The following DENND2A variants were observed in gnomAD, a reference collection of about 807,000 sequenced individuals.
DENND2A encodes DENN domain-containing protein 2A.
In DENND2A, 53 loss-of-function variants were observed where a neutral mutation model predicts 105.3. The observed-to-expected ratio is 0.50, with a 90% CI of 0.40 to 0.63. The LOEUF is 0.63. DENND2A is among the 30% of genes least tolerant of loss of function. The pLI is 0.00. For synonymous variants in DENND2A, 522 were observed against 508.4 expected (o/e 1.03, Z -0.36); for missense variants, 1,138 against 1,279.6 (o/e 0.89, Z 1.69).
At position 140,585,729 on chromosome 7, in the gene DENND2A, T is replaced by C. The variant is rs73736619; in HGVS notation, c.1124-19A>G. On this transcript the variant is annotated intron_variant, in intron 4 of 19. Transcript: ENST00000496613. ...GGCGGATCTGTGTTCAAAGGCAATG[T>C]GTCAGGAACCTGGGAACACTGAGGA... 0.027 allele frequency: 42,944 copies of C among 1,614,038 alleles called. 2,190 individuals carry two copies. The highest frequency in any genetic ancestry group is 0.22 in the African/African-American group (16,621 of 74,984).
chr7:140,588,135 T>C (rs1173670368), intron 3 of DENND2A, among the ~76,000 whole-genome samples: 1 of 152,146 alleles, frequency 6.6e-6, no homozygotes, highest in Non-Finnish European at 1.5e-5. Context: ...GGTCTCGAAC[T>C]CCTGACCTCA....
At chr7:140,610,006 C>G (rs1799835616) in intron 1 of DENND2A, 1 of 152,042 alleles carries the variant, frequency 6.6e-6, no homozygotes, top group Non-Finnish European at 1.5e-5. Flanking sequence ...CGCCCTGTCA[C>G]CCAGGCTGGA....
Position 140,519,676 on chromosome 7 carries a change from G to A in DENND2A, c.2954C>T (p.Pro985Leu), listed in dbSNP as rs1443074552. Residue 985 changes from proline to leucine, a missense_variant, in exon 19 of 20, where the codon CCC becomes CTC. Around this residue, in one of 2 missense-constraint regions of DENND2A, gnomAD observed 627 missense variants for 779.8 expected, o/e 0.80. Coordinates refer to ENST00000496613, the MANE Select transcript of DENND2A (RefSeq NM_015689.5). The stretch of plus-strand genomic sequence containing the variant: ...ATTGACACCGCTGTGCTCTCCACTG[G>A]GGAGTGTTTCCAGATACTCTTGGGC... ...VRAQEYLETL[P>L]SGEHSGVNKF... The A allele has an allele frequency of 1.2e-6, 2 of 1,614,074 alleles. No homozygotes were observed. Among genetic ancestry groups the A allele is most frequent in the Non-Finnish European group, 1.7e-6 (2 of 1,180,002 alleles).
chr7:140,639,489 G>A (rs1485073564), intron 1 of DENND2A, among the ~76,000 whole-genome samples: 1 of 151,960 alleles, frequency 6.6e-6, no homozygotes, highest in African/African-American at 2.4e-5. Context: ...TCCTCTCGGA[G>A]TTCTGCTCCG....
At chr7:140,529,228 G>A (rs1796170343) in intron 14 of DENND2A, among the ~76,000 whole-genome samples, 1 of 152,148 alleles carries the variant, frequency 6.6e-6, no homozygotes, top group Non-Finnish European at 1.5e-5. Flanking sequence ...GGAGGCCGAG[G>A]TGAGTGGATC....
chr7:140,620,175 G>A (rs1014588645), intron 1 of DENND2A, among the ~76,000 whole-genome samples: 3 of 151,800 alleles, frequency 2.0e-5, no homozygotes, highest in African/African-American at 7.3e-5. Context: ...CAGCCTGAGC[G>A]ACAGAGTAAG....
chr7:140,598,255 AC>A (rs1326044587), intron 3 of DENND2A, among the ~76,000 whole-genome samples: 1 of 152,184 alleles, frequency 6.6e-6, no homozygotes, highest in Non-Finnish European at 1.5e-5. Context: ...AAGTACTTTA[AC>A]AAAAATCTAA....
chr7:140,537,943 A>T (rs546711114), intron 14 of DENND2A, among the ~76,000 whole-genome samples: 3 of 152,334 alleles, frequency 2.0e-5, no homozygotes, highest in Non-Finnish European at 4.4e-5. Context: ...CAGGAAAATG[A>T]AGGCGAGGGT....
At chr7:140,591,023 C>T (rs552663928) in intron 3 of DENND2A, among the ~76,000 whole-genome samples, 2 of 152,218 alleles carry the variant, frequency 1.3e-5, no homozygotes, top group South Asian at 2.1e-4. Flanking sequence ...TGGGGGTGGG[C>T]GCAGTAGCTC....
chr7:140,550,335 G>A (rs961802714), intron 12 of DENND2A, among the ~76,000 whole-genome samples: 2 of 150,920 alleles, frequency 1.3e-5, no homozygotes, highest in Middle Eastern at 3.2e-3. Context: ...TGGGATTACG[G>A]ACGCCCACCA....
intron 5 of DENND2A, among the ~76,000 whole-genome samples, chr7:140,583,977 C>T (rs1464533620): frequency 7.0e-6 from 1 of 142,684 alleles, no homozygotes; most frequent in East Asian, 2.0e-4. Context: ...TGCGGTGGCT[C>T]ACGCCTGTAA....
At position 140,567,222 on chromosome 7, in the gene DENND2A, C is replaced by A. The variant is rs761663991; in HGVS notation, c.1643G>T (p.Arg548Leu). The change falls in exon 9 of 20, where the codon CGG becomes CTG. Residue 548 changes from arginine (R) to leucine (L), a missense_variant. By Grantham distance (102) the Arg-to-Leu change is moderately radical. Around this residue, in one of 2 missense-constraint regions of DENND2A, gnomAD observed 627 missense variants for 779.8 expected, o/e 0.80. Transcript: ENST00000496613. The part of the protein sequence containing the change: ...NVKSRLKQAP[R>L]YPSLARELIE... ...GAGTTCCCGGGCAAGTGATGGGTACCGAGGCGCCTGCTTCAGCCGGGACTT... is the reference window on the plus strand; with the variant it reads ...GAGTTCCCGGGCAAGTGATGGGTACAGAGGCGCCTGCTTCAGCCGGGACTT... The A allele has an allele frequency of 4.2e-5, 67 of 1,612,332 alleles. 1 individual carries two copies. Among genetic ancestry groups the A allele is most frequent in the Non-Finnish European group, 4.0e-5 (47 of 1,179,390 alleles).
chr7:140,549,853 CATCAATGGATAAATGGATAAATAATCA>C (rs1176452794), intron 12 of DENND2A, among the ~76,000 whole-genome samples: 1 of 152,010 alleles, frequency 6.6e-6, no homozygotes, highest in African/African-American at 2.4e-5. Context: ...CCCAAATGTC[CATCAATGGATAAATGGATAAATAATCA>C]ATCAATGGAT....
chr7:140,549,194 C>T (rs1797020834), intron 12 of DENND2A, among the ~76,000 whole-genome samples: 1 of 151,604 alleles, frequency 6.6e-6, no homozygotes, highest in African/African-American at 2.4e-5. Flanking sequence ...CCATTGCACT[C>T]CAGCCTGGGT....
chr7:140,544,667 C>T lies in DENND2A; in HGVS notation c.2278G>A (p.Ala760Thr). 2 of 1,614,102 alleles carry T rather than the reference C, an allele frequency of 1.2e-6. No homozygotes were observed. Among genetic ancestry groups the T allele is most frequent in the Non-Finnish European group, 1.7e-6 (2 of 1,180,012 alleles). ...ACCCTCCTCTCCAGAAGCAGGGAGG[C>T]AAACACACAGACCAGGTGGCGGACG... ...LSVRHLVCVFASLLLERRVIF... is the reference protein window; with the variant it reads ...LSVRHLVCVFTSLLLERRVIF... The change falls in exon 14 of 20, where the codon GCC becomes ACC. Residue 760 changes from alanine to threonine, a missense_variant. This residue lies in a region of DENND2A where 627 missense variants were observed against 779.8 expected (regional missense o/e 0.80). Coordinates refer to ENST00000496613, the MANE Select transcript of DENND2A (RefSeq NM_015689.5).
In DENND2A at chr7:140,523,183, C is replaced by T; in HGVS notation, c.2665+124G>A. On this transcript the variant is annotated intron_variant, in intron 17 of 19. Transcript: ENST00000496613. The surrounding 1 kb of genome is among the most constrained non-coding windows in gnomAD (Gnocchi z 4.5). ...TGAAATCCAGATAAACAGAATGAGG[C>T]CCTGGTTTCTCTCCTTATGTCTCCC... 3 of 825,174 alleles carry T rather than the reference C, an allele frequency of 3.6e-6. No individual in the cohort carries two copies. The highest frequency in any genetic ancestry group is 6.0e-6 in the Non-Finnish European group (3 of 496,634). The allele number at this position is 825,174 out of a possible 1,614,324, so 51.1% of individuals were successfully genotyped here.
chr7:140,536,577 T>G (rs893022302), intron 14 of DENND2A, among the ~76,000 whole-genome samples: 10 of 152,204 alleles, frequency 6.6e-5, no homozygotes, highest in African/African-American at 2.4e-4. Flanking sequence ...CTCTAAATCT[T>G]GCTCTAATTG....
chr7:140,633,750 A>G (rs1800820730), intron 1 of DENND2A, among the ~76,000 whole-genome samples: 2 of 152,074 alleles, frequency 1.3e-5, no homozygotes, highest in African/African-American at 4.8e-5. Flanking sequence ...ACAGCAAGAG[A>G]CGAACTTGGG....
At chr7:140,540,702 G>A (rs1309913948) in intron 14 of DENND2A, among the ~76,000 whole-genome samples, 4 of 151,996 alleles carry the variant, frequency 2.6e-5, no homozygotes, top group Non-Finnish European at 5.9e-5. Context: ...ACTGGGGCAG[G>A]CATTTCCAGG....
Sources: gnomAD v4.1 joint callset for allele counts (sites outside exome capture counted in the v4.1 genomes callset) on GRCh38, gnomAD v4.1.1 for gene constraint, gnomAD v4.1.1 regional missense constraint, Gnocchi (gnomAD v3.1) non-coding constraint, MANE v1.5 for transcripts, NCBI Gene and HGNC (gene_info 2026-07-23, HGNC 2026-07-21) for gene names.